NPFFR2: variants seen among roughly 807,000 people sequenced by gnomAD.
NPFFR2 encodes the protein neuropeptide FF receptor 2.
In NPFFR2, 15 loss-of-function variants were observed where a neutral mutation model predicts 13.1. The observed-to-expected ratio is 1.15, with a 90% CI of 0.77 to 1.76. The LOEUF is 1.76. Among genes scored for constraint, NPFFR2 ranks in the 40% most tolerant of loss-of-function variants. NPFFR2 has a pLI of 0.00. For missense variants in NPFFR2, 572 were observed against 503.5 expected, an observed-to-expected ratio of 1.14 and a Z score of -1.30; for synonymous variants, 190 against 175.7, an observed-to-expected ratio of 1.08 and a Z score of -0.65.
At chr4:72,100,365 T>A (rs892892908) in intron 1 of NPFFR2, among the ~76,000 whole-genome samples, 3 of 152,126 alleles carry the variant, frequency 2.0e-5, no homozygotes, top group African/African-American at 7.2e-5. Context: ...ATAAGCTACT[T>A]AATCTTCCTA....
rs377397412 is a variant in NPFFR2, at chr4:72,137,502, G to C, written c.329-538G>C. On this transcript the variant is annotated intron_variant, in intron 2 of 3. Transcript: ENST00000308744. ...CTCTGGGGTTAATTGTCTCATTTCA[G>C]TCTATATTAATAAAAACATTTTATT... 1.2e-4 allele frequency among the ~76,000 whole-genome samples: 18 copies of C among 152,178 alleles called. No individual in the cohort carries two copies. In the South Asian group the frequency reaches 3.5e-3, roughly 30 times the overall value.
intron 3 of NPFFR2, among the ~76,000 whole-genome samples, chr4:72,142,988 A>G (rs747644629): frequency 1.8e-4 from 28 of 152,228 alleles, no homozygotes; most frequent in Admixed American, 1.2e-3. Context: ...AGAGATAATA[A>G]TCAATTCTAC....
chr4:72,136,397 A>G (rs1722413106), intron 2 of NPFFR2, among the ~76,000 whole-genome samples: 1 of 151,748 alleles, frequency 6.6e-6, no homozygotes, highest in African/African-American at 2.4e-5. Flanking sequence ...ACAAAACAAA[A>G]CACCACCAGA....
chr4:72,068,934 G>A (rs1160693476), intron 1 of NPFFR2: 7 of 1,361,858 alleles, frequency 5.1e-6, no homozygotes, highest in Admixed American at 2.8e-5. Context: ...TGCGAAATTA[G>A]GATGTTAATT....
chr4:72,107,841 T>A (rs1721459486), intron 1 of NPFFR2, among the ~76,000 whole-genome samples: 1 of 152,006 alleles, frequency 6.6e-6, no homozygotes, highest in Non-Finnish European at 1.5e-5. Context: ...TCAAAAGAAT[T>A]GTATGAAATA....
chr4:72,032,033 G>C lies in NPFFR2; in HGVS notation c.-175G>C. ...TCCAGCAGCGCGGCGGGCCAGCCTG[G>C]AGCGGAAGCCTGGAGTGGAGCAGGC... On this transcript the variant is annotated 5_prime_UTR_variant, in exon 1 of 4. Coordinates refer to ENST00000308744, the MANE Select transcript of NPFFR2 (RefSeq NM_004885.3). The C allele has an allele frequency of 1.9e-6, 3 of 1,613,988 alleles. No homozygotes were observed. The highest frequency in any genetic ancestry group is 2.5e-6 in the Non-Finnish European group (3 of 1,179,982).
chr4:72,049,831 G>A (rs1359443711), intron 1 of NPFFR2, among the ~76,000 whole-genome samples: 1 of 152,016 alleles, frequency 6.6e-6, no homozygotes, highest in Non-Finnish European at 1.5e-5. Context: ...TTATTATAAT[G>A]TAATTGGTTT....
intron 1 of NPFFR2, among the ~76,000 whole-genome samples, chr4:72,034,416 C>G (rs960346871): frequency 6.6e-6 from 1 of 152,026 alleles, no homozygotes; most frequent in East Asian, 1.9e-4. Flanking sequence ...GGGAAAAGCC[C>G]CCTATAAAAC....
chr4:72,043,500 G>A (rs1261650888), intron 1 of NPFFR2, among the ~76,000 whole-genome samples: 5 of 152,376 alleles, frequency 3.3e-5, no homozygotes, highest in African/African-American at 4.8e-5. Flanking sequence ...CACAGGGGTG[G>A]AGCTTGCCAA....
chr4:72,090,538 C>T (rs1169670775), intron 1 of NPFFR2, among the ~76,000 whole-genome samples: 1 of 152,018 alleles, frequency 6.6e-6, no homozygotes, highest in African/African-American at 2.4e-5. Context: ...AGATCTCTCA[C>T]CCCTCTGGTT....
At chr4:72,130,836 T>A (rs1722214721) in intron 2 of NPFFR2, among the ~76,000 whole-genome samples, 1 of 152,156 alleles carries the variant, frequency 6.6e-6, no homozygotes, top group African/African-American at 2.4e-5. Context: ...TGACAGCATT[T>A]TGCACCTGTC....
intron 1 of NPFFR2, 43 bp downstream of exon 1, chr4:72,032,243 G>C: frequency 6.5e-7 from 1 of 1,543,872 alleles, no homozygotes; most frequent in Admixed American, 1.9e-5. Context: ...CCGCTTGGGG[G>C]CGCGACCCCT....
At chr4:72,091,124 G>T (rs1044199988) in intron 1 of NPFFR2, among the ~76,000 whole-genome samples, 2 of 151,956 alleles carry the variant, frequency 1.3e-5, no homozygotes, top group Admixed American at 1.3e-4. Flanking sequence ...TCTTGATGTG[G>T]TGTATTACAT....
intron 1 of NPFFR2, among the ~76,000 whole-genome samples, chr4:72,078,704 G>C (rs1229421085): frequency 1.3e-5 from 2 of 152,070 alleles, no homozygotes; most frequent in Non-Finnish European, 2.9e-5. Flanking sequence ...TATTGGTGAA[G>C]AAATTGACAC....
At chr4:72,118,510 A>G (rs1249352901) in intron 1 of NPFFR2, among the ~76,000 whole-genome samples, 1 of 152,198 alleles carries the variant, frequency 6.6e-6, no homozygotes, top group Admixed American at 6.5e-5. Context: ...GTAAATATCA[A>G]TAGAAAACAA....
intron 3 of NPFFR2, among the ~76,000 whole-genome samples, chr4:72,142,300 G>T (rs960330212): frequency 2.6e-5 from 4 of 151,742 alleles, no homozygotes; most frequent in African/African-American, 9.7e-5. Context: ...TCCTGTCATT[G>T]GCGAGAGTGT....
Position 72,146,974 on chromosome 4 carries a change from G to T in NPFFR2, c.429-4G>T, listed in dbSNP as rs1025317045. The T allele has an allele frequency of 1.9e-6, 3 of 1,589,298 alleles. No individual in the cohort carries two copies. Among genetic ancestry groups the T allele is most frequent in the Non-Finnish European group, 2.6e-6 (3 of 1,162,362 alleles). ...GCCTCATTTATATTTGTGTTTAATT[G>T]CAGGTTCCAGTGTGTGGTCTACCCT... On this transcript the variant is annotated splice_polypyrimidine_tract_variant and splice_region_variant and intron_variant, in intron 3 of 3. Coordinates refer to ENST00000308744, the MANE Select transcript of NPFFR2 (RefSeq NM_004885.3).
At chr4:72,092,938 T>A (rs1720955249) in intron 1 of NPFFR2, among the ~76,000 whole-genome samples, 1 of 152,196 alleles carries the variant, frequency 6.6e-6, no homozygotes, top group Non-Finnish European at 1.5e-5. Context: ...CTGTGAGTTT[T>A]ATGCTTCAAG....
Position 72,050,928 on chromosome 4 carries a change from C to T in NPFFR2, c.-8+18728C>T, listed in dbSNP as rs937042648. ...ATTTCCAATTTCATCCATGTCCCTA[C>T]AAAGGACATGAACTCATCATTTTTT... On this transcript the variant is annotated intron_variant, in intron 1 of 3. Transcript: ENST00000308744. Among the ~76,000 whole-genome samples, 433 of 151,970 alleles carry T rather than the reference C, an allele frequency of 2.8e-3. 1 individual carries two copies. Among genetic ancestry groups the T allele is most frequent in the Middle Eastern group, 0.01 (3 of 294 alleles).
Sources: allele counts gnomAD v4.1 joint callset (sites outside exome capture counted in the v4.1 genomes callset), GRCh38; gene constraint gnomAD v4.1.1; transcripts MANE v1.5; gene names NCBI Gene and HGNC (gene_info 2026-07-23, HGNC 2026-07-21).